The following PCDHGA12 variants were observed in gnomAD, a reference collection of about 807,000 sequenced individuals.
PCDHGA12 encodes the protein protocadherin gamma subfamily A, 12, also known as protocadherin gamma-A12.
PCDHGA12 carries 43 observed loss-of-function variants against 61.1 expected under a neutral mutation model. The observed-to-expected ratio is 0.70, with a 90% CI of 0.55 to 0.91. The LOEUF (loss-of-function observed/expected upper bound fraction) is 0.91. PCDHGA12 is among the 40% of genes least tolerant of loss of function. The pLI is 0.00. For missense variants in PCDHGA12, 1,236 were observed against 1,227.7 expected (o/e 1.01, Z -0.10); for synonymous variants, 520 against 542.9 (o/e 0.96, Z 0.59).
Position 141,510,960 on chromosome 5 carries a change from G to C in PCDHGA12, c.2586G>C (p.Gly862=). The change falls in exon 4 of 4, where the codon GGG becomes GGC. Residue 862 remains glycine, a synonymous_variant. Transcript: ENST00000252085. ...CTGTCTCTGCAGAAGCTGCTGATGG[G>C]AGCTCCACCCTGGGAGGGGGTGCCG... The part of the protein sequence containing the change: ...ILASASEAAD[G]SSTLGGGAGT... 1 of 1,614,120 alleles carries C rather than the reference G, an allele frequency of 6.2e-7. No homozygotes were observed. Among genetic ancestry groups the C allele is most frequent in the Non-Finnish European group, 8.5e-7 (1 of 1,180,022 alleles).
chr5:141,448,135 TA>T (rs2098567569), intron 1 of PCDHGA12, among the ~76,000 whole-genome samples: 1 of 151,880 alleles, frequency 6.6e-6, no homozygotes, highest in South Asian at 2.1e-4. Flanking sequence ...CCACCCTCAC[TA>T]TACCTCAGAC....
At chr5:141,444,637 G>C (rs2098443357) in intron 1 of PCDHGA12, among the ~76,000 whole-genome samples, 1 of 152,236 alleles carries the variant, frequency 6.6e-6, no homozygotes, top group Non-Finnish European at 1.5e-5. Context: ...CCAGTTCATT[G>C]AGGTAGGGGT....
chr5:141,511,450 C>A lies in PCDHGA12; in HGVS notation c.*277C>A. Reference sequence around the variant, plus strand: ...TGGGGTTACTGTAGACACCAAGAACCATTTGCCACACCCCGTTTAGTTACA... The same window carrying A: ...TGGGGTTACTGTAGACACCAAGAACAATTTGCCACACCCCGTTTAGTTACA... On this transcript the variant is annotated 3_prime_UTR_variant, in exon 4 of 4. Transcript: ENST00000252085. The A allele has an allele frequency of 3.3e-6, 2 of 615,088 alleles. No homozygotes were observed. The highest frequency in any genetic ancestry group is 6.8e-5 in the East Asian group (2 of 29,272). The allele number at this position is 615,088 out of a possible 1,614,324, so 38.1% of individuals were successfully genotyped here.
intron 2 of PCDHGA12, among the ~76,000 whole-genome samples, chr5:141,501,288 T>TAC (rs1562199973): frequency 3.7e-5 from 3 of 81,228 alleles, no homozygotes; most frequent in South Asian, 4.2e-4. Context: ...GATATTCCCT[T>TAC]ATACACACAC....
At position 141,496,266 on chromosome 5, in the gene PCDHGA12, AAGACCTTC is replaced by A. The variant is rs2099767586; in HGVS notation, c.2483+1404_2483+1411del. Among the ~76,000 whole-genome samples the A allele has an allele frequency of 2.0e-5, 3 of 152,152 alleles. No homozygotes were observed. The South Asian group carries it at 6.2e-4, about 32-fold the overall frequency. Reference sequence around the variant, plus strand: ...TGAAGGGGAGGGAAACTTCAGCAGAAAGACCTTCAGTTGGTCTGAGCAGAGTGGGATAG... The same window carrying A: ...TGAAGGGGAGGGAAACTTCAGCAGAAAGTTGGTCTGAGCAGAGTGGGATAG... On this transcript the variant is annotated intron_variant, in intron 2 of 3. Coordinates refer to ENST00000252085, the MANE Select transcript of PCDHGA12 (RefSeq NM_003735.3).
chr5:141,511,391 C>G lies in PCDHGA12; in HGVS notation c.*218C>G. ...TGCAAAAGCAGTTCCGCTGGGAACC[C>G]CCATCCAATCAACTGCTGTACCCAT... is the stretch of plus-strand genomic sequence containing the variant. On this transcript the variant is annotated 3_prime_UTR_variant, in exon 4 of 4. Coordinates refer to ENST00000252085, the MANE Select transcript of PCDHGA12 (RefSeq NM_003735.3). 2.8e-6 allele frequency: 3 copies of G among 1,079,748 alleles called. No homozygotes were observed. The highest frequency in any genetic ancestry group is 3.3e-5 in the South Asian group (2 of 60,136). The allele number at this position is 1,079,748 out of a possible 1,614,324, so 66.9% of individuals were successfully genotyped here. A position where few individuals can be genotyped will look rare whatever the true frequency, so the allele number is the denominator to read the frequency against.
Position 141,431,548 on chromosome 5 carries a change from A to G in PCDHGA12, c.789A>G (p.Val263=), listed in dbSNP as rs1357844542. 2 of 1,614,136 alleles carry G rather than the reference A, an allele frequency of 1.2e-6. No individual in the cohort carries two copies. Among genetic ancestry groups the G allele is most frequent in the Admixed American group, 1.7e-5 (1 of 60,030 alleles). Residue 263 remains valine, a synonymous_variant, in exon 1 of 4, where the codon GTA becomes GTG. Coordinates refer to ENST00000252085, the MANE Select transcript of PCDHGA12 (RefSeq NM_003735.3). This position sits in a 1 kb window ranked among gnomAD's most constrained non-coding sequence, Gnocchi z 4.8. ...TGGCCTTGGGCACGCAGCTGCTTGT[A>G]GTCAACGCTACCGACCCTGACGAAG... is the stretch of plus-strand genomic sequence containing the variant. ...ENLALGTQLL[V]VNATDPDEGV...
At chr5:141,470,242 T>C (rs1301513342) in intron 1 of PCDHGA12, among the ~76,000 whole-genome samples, 1 of 152,344 alleles carries the variant, frequency 6.6e-6, no homozygotes, top group South Asian at 2.1e-4. Flanking sequence ...CCCTTGAATG[T>C]CCCACCTGTC....
At chr5:141,478,395 T>C in intron 1 of PCDHGA12, 1 of 1,613,510 alleles carries the variant, frequency 6.2e-7, no homozygotes, top group Non-Finnish European at 8.5e-7. Flanking sequence ...TACCATCAGG[T>C]GTATCTCACC....
At chr5:141,497,741 G>A (rs767561907) in intron 2 of PCDHGA12, among the ~76,000 whole-genome samples, 24 of 152,050 alleles carry the variant, frequency 1.6e-4, no homozygotes, top group Non-Finnish European at 2.6e-4. Context: ...GTTTCGCCAC[G>A]TTGGCCAGGC....
rs1386791249 is a variant in PCDHGA12 at position 141,511,417 on chromosome 5, G to A, written c.*244G>A. 1.2e-6 allele frequency: 1 copy of A among 835,942 alleles called. No homozygotes were observed. Among genetic ancestry groups the A allele is most frequent in the African/African-American group, 1.7e-5 (1 of 58,154 alleles). The allele number at this position is 835,942 out of a possible 1,614,324, so 51.8% of individuals were successfully genotyped here. A position where few individuals can be genotyped will look rare whatever the true frequency, so the allele number is the denominator to read the frequency against. The stretch of plus-strand genomic sequence containing the variant: ...CCATCCAATCAACTGCTGTACCCAT[G>A]GGGGTAGTGGGGTTACTGTAGACAC... On this transcript the variant is annotated 3_prime_UTR_variant, in exon 4 of 4. Transcript: ENST00000252085.
At chr5:141,443,499 A>T (rs533910381) in intron 1 of PCDHGA12, among the ~76,000 whole-genome samples, 1 of 152,268 alleles carries the variant, frequency 6.6e-6, no homozygotes, top group African/African-American at 2.4e-5. Context: ...ACAAACAAAC[A>T]AATAAAGAGC....
chr5:141,478,623 G>A, intron 1 of PCDHGA12: 2 of 1,554,358 alleles, frequency 1.3e-6, no homozygotes, highest in Non-Finnish European at 1.7e-6. Flanking sequence ...GAATGGAGCT[G>A]TTTTTTTAGT....
chr5:141,446,692 G>T (rs543476108), intron 1 of PCDHGA12, among the ~76,000 whole-genome samples: 2 of 152,280 alleles, frequency 1.3e-5, no homozygotes, highest in African/African-American at 4.8e-5. Context: ...TGGCCAGGCT[G>T]GTCTCGAACT....
At chr5:141,461,302 T>A (rs1009664719) in intron 1 of PCDHGA12, among the ~76,000 whole-genome samples, 3 of 152,142 alleles carry the variant, frequency 2.0e-5, no homozygotes. Flanking sequence ...CAACATCTAT[T>A]GTTTTTTGAC....
chr5:141,488,681 C>G, intron 1 of PCDHGA12, among the ~76,000 whole-genome samples: 1 of 152,204 alleles, frequency 6.6e-6, no homozygotes, highest in East Asian at 1.9e-4. Flanking sequence ...GGCTTTGCCT[C>G]TCCCAGAAGG....
chr5:141,441,609 A>G (rs922588350), intron 1 of PCDHGA12: 2 of 218,734 alleles, frequency 9.1e-6, no homozygotes, highest in South Asian at 5.5e-5. Context: ...TCCCTATTCC[A>G]TCGTGGCCAG....
At position 141,493,444 on chromosome 5, in the gene PCDHGA12, G is replaced by T. The variant is rs2099748313; in HGVS notation, c.2425-1363G>T. On this transcript the variant is annotated intron_variant, in intron 1 of 3. Transcript: ENST00000252085. This position sits in a 1 kb window ranked among gnomAD's most constrained non-coding sequence, Gnocchi z 4.3. ...GCTTCTGCTGGGATGGGGCAAGGGT[G>T]GGGTTCCTTCCCTTTTAGGACCTTA... Among the ~76,000 whole-genome samples, 1 of 152,174 alleles carries T rather than the reference G, an allele frequency of 6.6e-6. No homozygotes were observed. Among genetic ancestry groups the T allele is most frequent in the South Asian group, 2.1e-4 (1 of 4,826 alleles).
Position 141,432,492 on chromosome 5 carries a change from C to G in PCDHGA12, c.1733C>G (p.Ala578Gly). The G allele has an allele frequency of 6.2e-7, 1 of 1,614,168 alleles. No individual in the cohort carries two copies. The highest frequency in any genetic ancestry group is 8.5e-7 in the Non-Finnish European group (1 of 1,180,040). The change falls in exon 1 of 4, where the codon GCT becomes GGT. Residue 578 changes from alanine to glycine, a missense_variant. Physicochemically the swap from Ala to Gly is moderately conservative, Grantham distance 60 (BLOSUM62 0). Transcript: ENST00000252085. This position sits in a 1 kb window ranked among gnomAD's most constrained non-coding sequence, Gnocchi z 6.0. Reference sequence around the variant, plus strand: ...GACGGTTCCACTGGCGTGGAGCTGGCTCCCCGCTCCGCAGAGCCCGGCTAC... The same window carrying G: ...GACGGTTCCACTGGCGTGGAGCTGGGTCCCCGCTCCGCAGAGCCCGGCTAC... ...PTDGSTGVEL[A>G]PRSAEPGYLV...
Sources: gnomAD v4.1 joint callset for allele counts (sites outside exome capture counted in the v4.1 genomes callset) on GRCh38, gnomAD v4.1.1 for gene constraint, Gnocchi (gnomAD v3.1) non-coding constraint, MANE v1.5 for transcripts, NCBI Gene and HGNC (gene_info 2026-07-23, HGNC 2026-07-21) for gene names.